Variants in PPARGC1A observed in about 807,000 individuals in gnomAD.
PPARGC1A encodes the protein peroxisome proliferator-activated receptor gamma coactivator 1-alpha.
A neutral mutation model predicts 88.7 loss-of-function variants in PPARGC1A; 25 were observed. The ratio of observed to expected loss-of-function variants is 0.28; its 90% CI spans 0.21 to 0.39. The LOEUF is 0.39. Among genes scored for constraint, PPARGC1A ranks in the 10% least tolerant of loss-of-function variants. The probability of loss-of-function intolerance (pLI) is 1.00; values close to 1 mark genes in which losing one functional copy is unlikely to be tolerated. For missense variants in PPARGC1A, 880 were observed against 968.7 expected (o/e 0.91, Z 1.22); for synonymous variants, 363 against 355.6 (o/e 1.02, Z -0.24).
At chr4:23,804,590 A>T (rs966639118) in intron 10 of PPARGC1A, among the ~76,000 whole-genome samples, 1 of 152,202 alleles carries the variant, frequency 6.6e-6, no homozygotes, top group African/African-American at 2.4e-5. Flanking sequence ...CATAACTTTT[A>T]ATGAAAGACC....
At chr4:24,268,795 GTATT>G in the PPARGC1A span, among the ~76,000 whole-genome samples, 1 of 152,160 alleles carries the variant, frequency 6.6e-6, no homozygotes. Context: ...ATATATGGAT[GTATT>G]AACAAAATTA....
chr4:24,166,147 T>C, the PPARGC1A span, among the ~76,000 whole-genome samples: 127 of 152,284 alleles, frequency 8.3e-4, no homozygotes, highest in Non-Finnish European at 1.3e-3. Flanking sequence ...AGATAAAAGA[T>C]TAAACCAGCC....
At chr4:23,925,627 G>A in the PPARGC1A span, among the ~76,000 whole-genome samples, 2 of 152,214 alleles carry the variant, frequency 1.3e-5, no homozygotes, top group Non-Finnish European at 2.9e-5. Flanking sequence ...AATGGATTCA[G>A]TTAAAAAGAA....
chr4:23,797,172 T>C (rs1425835873), intron 12 of PPARGC1A, among the ~76,000 whole-genome samples: 2 of 152,084 alleles, frequency 1.3e-5, no homozygotes, highest in Non-Finnish European at 2.9e-5. Context: ...ACGAGAACAA[T>C]TACAGTCTCA....
chr4:23,895,980 GTATATA>G (rs5856800), intron 1 of PPARGC1A, among the ~76,000 whole-genome samples: 2,096 of 19,862 alleles, frequency 0.11, 51 homozygotes, highest in African/African-American at 0.29. Context: ...GTGTGTGTGT[GTATATA>G]TATATACACA....
At chr4:24,333,536 T>C in the PPARGC1A span, among the ~76,000 whole-genome samples, 1 of 152,180 alleles carries the variant, frequency 6.6e-6, no homozygotes, top group African/African-American at 2.4e-5. Context: ...TTCTCCATCT[T>C]ACCAGAGGCA....
At chr4:24,132,271 T>C in the PPARGC1A span, among the ~76,000 whole-genome samples, 1 of 149,206 alleles carries the variant, frequency 6.7e-6, no homozygotes, top group African/African-American at 2.5e-5. Context: ...TCTGCCAGAG[T>C]ACCTTTATGA....
At chr4:23,802,560 C>T (rs1385784682) in intron 10 of PPARGC1A, among the ~76,000 whole-genome samples, 1 of 151,708 alleles carries the variant, frequency 6.6e-6, no homozygotes, top group Non-Finnish European at 1.5e-5. Flanking sequence ...CACCTGCAAT[C>T]CCAGCTACTC....
chr4:24,305,131 A>ATG, the PPARGC1A span, among the ~76,000 whole-genome samples: 4 of 82,844 alleles, frequency 4.8e-5, no homozygotes, highest in East Asian at 3.9e-4. Context: ...ATATATGTGT[A>ATG]TGTATATATA....
the PPARGC1A span, among the ~76,000 whole-genome samples, chr4:24,366,583 C>T: frequency 6.6e-6 from 1 of 152,066 alleles, no homozygotes; most frequent in African/African-American, 2.4e-5. Context: ...TGACACAAAC[C>T]TTATACCAAT....
the PPARGC1A span, among the ~76,000 whole-genome samples, chr4:23,994,578 T>C: frequency 6.6e-6 from 1 of 152,144 alleles, no homozygotes; most frequent in Admixed American, 6.5e-5. Flanking sequence ...CTTTCAGGTT[T>C]CCATCTAGAG....
the PPARGC1A span, among the ~76,000 whole-genome samples, chr4:24,164,877 G>T: frequency 1.3e-5 from 2 of 152,036 alleles, no homozygotes; most frequent in Non-Finnish European, 2.9e-5. Flanking sequence ...TTGAGATGGG[G>T]GTAAGGAGGT....
chr4:24,439,583 A>AT, the PPARGC1A span, among the ~76,000 whole-genome samples: 38 of 152,302 alleles, frequency 2.5e-4, no homozygotes, highest in East Asian at 6.8e-3. Flanking sequence ...TAGGGACTAT[A>AT]TGGCCACCAT....
At chr4:24,203,963 A>G in the PPARGC1A span, among the ~76,000 whole-genome samples, 1 of 152,352 alleles carries the variant, frequency 6.6e-6, no homozygotes, top group African/African-American at 2.4e-5. Flanking sequence ...ATACATGTTT[A>G]AGGGATTTGC....
the PPARGC1A span, among the ~76,000 whole-genome samples, chr4:24,470,277 G>GACACACACACACACAGACAC: frequency 9.0e-6 from 1 of 110,676 alleles, no homozygotes; most frequent in Non-Finnish European, 1.9e-5. The surrounding 1 kb of genome is among the most constrained non-coding windows in gnomAD (Gnocchi z 5.8). Flanking sequence ...GACAGACACA[G>GACACACACACACACAGACAC]ACACACACAC....
the PPARGC1A span, among the ~76,000 whole-genome samples, chr4:24,122,680 T>A: frequency 6.6e-6 from 1 of 151,884 alleles, no homozygotes; most frequent in African/African-American, 2.4e-5. Context: ...ATTAGAGAGA[T>A]GTAATAAGTT....
At chr4:24,467,083 A>G in the PPARGC1A span, among the ~76,000 whole-genome samples, 87 of 135,252 alleles carry the variant, frequency 6.4e-4, no homozygotes, top group African/African-American at 2.0e-3. Context: ...AAAGAAAGGG[A>G]GAGAGAGAGA....
At chr4:24,066,322 G>T in the PPARGC1A span, among the ~76,000 whole-genome samples, 5 of 152,152 alleles carry the variant, frequency 3.3e-5, no homozygotes, top group Admixed American at 1.3e-4. Flanking sequence ...GGTGGTTATT[G>T]TTCCTTTGAG....
the PPARGC1A span, among the ~76,000 whole-genome samples, chr4:23,939,099 C>T: frequency 6.6e-6 from 1 of 152,094 alleles, no homozygotes; most frequent in Non-Finnish European, 1.5e-5. Context: ...AGCTCTCTAC[C>T]ATACAATTAC....
Sources: gnomAD v4.1 joint callset for allele counts (sites outside exome capture counted in the v4.1 genomes callset) on GRCh38, gnomAD v4.1.1 for gene constraint, Gnocchi (gnomAD v3.1) non-coding constraint, MANE v1.5 for transcripts, NCBI Gene and HGNC (gene_info 2026-07-23, HGNC 2026-07-21) for gene names.